Variants in MAP4K3 observed in about 807,000 individuals in gnomAD.
MAP4K3 encodes MAPK/ERK kinase kinase kinase 3.
In MAP4K3, 94 loss-of-function variants were observed where a neutral mutation model predicts 143.5. The observed-to-expected ratio is 0.65, with a 90% CI of 0.55 to 0.78. The LOEUF (loss-of-function observed/expected upper bound fraction) is 0.78, where lower values mean the gene tolerates loss of function less well. Ranked by LOEUF, MAP4K3 falls within the 30% of genes least tolerant of loss-of-function variation. The probability of loss-of-function intolerance (pLI) is 0.00; values close to 1 mark genes in which losing one functional copy is unlikely to be tolerated. For synonymous variants in MAP4K3, 416 were observed against 347.2 expected (o/e 1.20, Z -2.20); for missense variants, 1,077 against 1,068.1 (o/e 1.01, Z -0.12).
chr2:39,373,665 T>C (rs1295363139), intron 2 of MAP4K3, among the ~76,000 whole-genome samples: 1 of 152,188 alleles, frequency 6.6e-6, no homozygotes, highest in African/African-American at 2.4e-5. Flanking sequence ...AGTCATTATG[T>C]TAAGTGATAT....
At chr2:39,263,438 ATTT>A (rs34894620) in intron 28 of MAP4K3, among the ~76,000 whole-genome samples, 1 of 137,422 alleles carries the variant, frequency 7.3e-6, no homozygotes, top group African/African-American at 2.7e-5. Flanking sequence ...ACGCCCGGCT[ATTT>A]TTTTTTTTTT....
At chr2:39,406,617 A>G (rs1667099111) in intron 1 of MAP4K3, among the ~76,000 whole-genome samples, 1 of 152,238 alleles carries the variant, frequency 6.6e-6, no homozygotes, top group African/African-American at 2.4e-5. Flanking sequence ...CTAGAATAGT[A>G]TATTCAGCAA....
intron 3 of MAP4K3, among the ~76,000 whole-genome samples, chr2:39,351,118 A>G (rs1469109361): frequency 6.6e-6 from 1 of 152,174 alleles, no homozygotes; most frequent in Non-Finnish European, 1.5e-5. Flanking sequence ...TTGAGCATTC[A>G]TGGGTTTTGG....
At chr2:39,251,720 A>G (rs1215543305) in intron 33 of MAP4K3, 110 bp downstream of exon 33, 8 of 873,956 alleles carry the variant, frequency 9.2e-6, no homozygotes, top group African/African-American at 3.4e-5. Context: ...GAAAAATTCA[A>G]TGTTGAACAT....
At chr2:39,436,075 C>A (rs550917641) in intron 1 of MAP4K3, among the ~76,000 whole-genome samples, 1 of 152,302 alleles carries the variant, frequency 6.6e-6, no homozygotes, top group East Asian at 1.9e-4. Flanking sequence ...CATTTGGCAA[C>A]AACCTCCTCT....
At chr2:39,346,862 G>C (rs1665307995) in intron 3 of MAP4K3, among the ~76,000 whole-genome samples, 1 of 151,710 alleles carries the variant, frequency 6.6e-6, no homozygotes, top group Non-Finnish European at 1.5e-5. Context: ...AAAGGCTCTG[G>C]CAAGTCAACA....
At chr2:39,271,712 C>T (rs1228299056) in intron 26 of MAP4K3, among the ~76,000 whole-genome samples, 1 of 152,170 alleles carries the variant, frequency 6.6e-6, no homozygotes, top group African/African-American at 2.4e-5. Context: ...CCACTTCAGC[C>T]TCCTGAGTAG....
At chr2:39,386,695 T>C (rs1666513673) in intron 1 of MAP4K3, among the ~76,000 whole-genome samples, 1 of 152,224 alleles carries the variant, frequency 6.6e-6, no homozygotes, top group Non-Finnish European at 1.5e-5. Flanking sequence ...TTGTCAAAAA[T>C]GAATTGGCTA....
chr2:39,284,523 C>T (rs1681679914), intron 21 of MAP4K3, among the ~76,000 whole-genome samples: 1 of 151,770 alleles, frequency 6.6e-6, no homozygotes. Context: ...TTAACCTAAG[C>T]ACTAATAGAA....
chr2:39,333,895 T>A (rs1683767533), intron 6 of MAP4K3, among the ~76,000 whole-genome samples: 1 of 152,100 alleles, frequency 6.6e-6, no homozygotes, highest in Non-Finnish European at 1.5e-5. Context: ...CACACTATAA[T>A]GTAACCGTAC....
intron 19 of MAP4K3, 31 bp from the exon 20 acceptor site, chr2:39,288,311 T>A (rs1305797004): frequency 1.3e-6 from 2 of 1,591,332 alleles, no homozygotes; most frequent in Non-Finnish European, 1.7e-6. Context: ...AGACCAACAA[T>A]GAAACATCAA....
At chr2:39,366,510 G>A (rs916154584) in intron 2 of MAP4K3, among the ~76,000 whole-genome samples, 12 of 152,270 alleles carry the variant, frequency 7.9e-5, no homozygotes, top group African/African-American at 2.9e-4. Flanking sequence ...TGTAAGATCT[G>A]TACTGATGTT....
intron 1 of MAP4K3, among the ~76,000 whole-genome samples, chr2:39,390,244 T>C (rs1229801262): frequency 6.6e-6 from 1 of 152,200 alleles, no homozygotes; most frequent in East Asian, 1.9e-4. Flanking sequence ...AGTCCTGTTG[T>C]GCCTTCAGAT....
chr2:39,272,886 T>A (rs1681090126), intron 24 of MAP4K3, among the ~76,000 whole-genome samples: 1 of 152,094 alleles, frequency 6.6e-6, no homozygotes, highest in Non-Finnish European at 1.5e-5. Context: ...TTGAATAAGA[T>A]TCTCCTCTCT....
At chr2:39,288,437 T>C (rs760409926) in intron 19 of MAP4K3, among the ~76,000 whole-genome samples, 157 bp from the exon 20 acceptor site, 3 of 151,660 alleles carry the variant, frequency 2.0e-5, no homozygotes, top group Admixed American at 6.6e-5. Flanking sequence ...ATTCAGACTA[T>C]CTTATTGTTT....
intron 15 of MAP4K3, among the ~76,000 whole-genome samples, chr2:39,303,340 G>T (rs1042217344): frequency 1.3e-5 from 2 of 152,144 alleles, no homozygotes; most frequent in Non-Finnish European, 2.9e-5. Flanking sequence ...AGCAAGTAGA[G>T]TCAGAATATT....
At chr2:39,384,524 T>G (rs189602467) in intron 1 of MAP4K3, among the ~76,000 whole-genome samples, 1 of 152,106 alleles carries the variant, frequency 6.6e-6, no homozygotes, top group African/African-American at 2.4e-5. Context: ...CCAGCCTGGG[T>G]AACAAGAGCA....
chr2:39,303,516 T>C (rs1242123789), intron 15 of MAP4K3, among the ~76,000 whole-genome samples: 2 of 152,078 alleles, frequency 1.3e-5, no homozygotes, highest in African/African-American at 4.8e-5. Context: ...TGCCCCTACA[T>C]AGTCATTAAC....
At chr2:39,265,541 T>G (rs957752795) in intron 27 of MAP4K3, among the ~76,000 whole-genome samples, 1 of 152,174 alleles carries the variant, frequency 6.6e-6, no homozygotes, top group Non-Finnish European at 1.5e-5. Flanking sequence ...CAAATGAAAC[T>G]GCTGGTTATA....
Sources: gnomAD v4.1 joint callset for allele counts (sites outside exome capture counted in the v4.1 genomes callset) on GRCh38, gnomAD v4.1.1 for gene constraint, MANE v1.5 for transcripts, NCBI Gene and HGNC (gene_info 2026-07-23, HGNC 2026-07-21) for gene names.